The following IL21 variants were observed in gnomAD, a reference collection of about 807,000 sequenced individuals.
The protein encoded by IL21 is interleukin-21.
Under a neutral mutation model 18.4 loss-of-function variants are expected in IL21, and 3 were observed. The ratio of observed to expected loss-of-function variants is 0.16; its 90% CI spans 0.07 to 0.42. The LOEUF (loss-of-function observed/expected upper bound fraction) is 0.42, where lower values mean the gene tolerates loss of function less well. Ranked by LOEUF, IL21 falls within the 10% of genes least tolerant of loss-of-function variation. IL21 has a pLI of 0.99. For synonymous variants in IL21, 37 were observed against 62.0 expected (o/e 0.60, Z 1.90); for missense variants, 130 against 188.4 (o/e 0.69, Z 1.81).
chr4:122,612,542 A>G lies in IL21; in HGVS notation c.*168T>C. The G allele has an allele frequency of 2.2e-6, 1 of 456,834 alleles. No homozygotes were observed. The highest frequency in any genetic ancestry group is 3.8e-6 in the Non-Finnish European group (1 of 260,214). 28.3% of individuals were successfully genotyped at this position (456,834 alleles called of 1,614,324 possible). ...GTCATAGAAATCAATAACATAGGAA[A>G]TCAGACTATTGTATAGTGATTATGG... On this transcript the variant is annotated 3_prime_UTR_variant, in exon 5 of 5. Coordinates refer to ENST00000648588, the MANE Select transcript of IL21 (RefSeq NM_021803.4).
At position 122,612,736 on chromosome 4, in the gene IL21, T is replaced by C; in HGVS notation, c.463A>G (p.Arg155Gly). Residue 155 changes from arginine (R) to glycine (G), a missense_variant, in exon 5 of 5, where the codon AGA becomes GGA. By Grantham distance (125) the Arg-to-Gly change is moderately radical (BLOSUM62 -2). Coordinates refer to ENST00000648588, the MANE Select transcript of IL21 (RefSeq NM_021803.4). ...QKMIHQHLSS[R>G]THGSEDS ...CAGGAATCTTCACTTCCGTGTGTTC[T>C]AGAGGACAGATGCTGATGAATCATC... The C allele has an allele frequency of 2.5e-6, 4 of 1,613,146 alleles. No individual in the cohort carries two copies. The highest frequency in any genetic ancestry group is 3.4e-6 in the Non-Finnish European group (4 of 1,179,346).
In IL21 at chr4:122,621,066, G is replaced by A. The variant is rs1799421742; in HGVS notation, c.-55C>T. 1.3e-6 allele frequency: 2 copies of A among 1,513,678 alleles called. No individual in the cohort carries two copies. The highest frequency in any genetic ancestry group is 2.3e-5 in the East Asian group (1 of 44,142). The allele number at this position is 1,513,678 out of a possible 1,614,324, so 93.8% of individuals were successfully genotyped here. A position where few individuals can be genotyped will look rare whatever the true frequency, so the allele number is the denominator to read the frequency against. ...CTCGTTTTCACTTCAGCTTGACTGA[G>A]AACAGGTTGTCAGTTAAGCTACCTA... On this transcript the variant is annotated 5_prime_UTR_variant, in exon 1 of 5. Coordinates refer to ENST00000648588, the MANE Select transcript of IL21 (RefSeq NM_021803.4).
In IL21 at chr4:122,611,208, A is replaced by G. The variant is rs1355319478; in HGVS notation, c.*1502T>C. ...ATTTTAGATATATATTATCATCATC[A>G]GGCACATAATTCCTTTGTCATACAT... On this transcript the variant is annotated 3_prime_UTR_variant, in exon 5 of 5. Coordinates refer to ENST00000648588, the MANE Select transcript of IL21 (RefSeq NM_021803.4). Among the ~76,000 whole-genome samples, 1 of 152,222 alleles carries G rather than the reference A, an allele frequency of 6.6e-6. No homozygotes were observed. Among genetic ancestry groups the G allele is most frequent in the African/African-American group, 2.4e-5 (1 of 41,464 alleles).
At chr4:122,614,807 G>A (rs1799314534) in intron 3 of IL21, among the ~76,000 whole-genome samples, 1 of 152,120 alleles carries the variant, frequency 6.6e-6, no homozygotes, top group Non-Finnish European at 1.5e-5. Flanking sequence ...TTGCTCATGA[G>A]TTGGCATATA....
chr4:122,617,119 A>G lies in IL21; in HGVS notation c.205-1282T>C, dbSNP rs536051081. 2.0e-5 allele frequency among the ~76,000 whole-genome samples: 3 copies of G among 152,316 alleles called. No homozygotes were observed. The South Asian group carries it at 6.2e-4, about 32-fold the overall frequency. On this transcript the variant is annotated intron_variant, in intron 2 of 4. Coordinates refer to ENST00000648588, the MANE Select transcript of IL21 (RefSeq NM_021803.4). Reference sequence around the variant, plus strand: ...CAAACCTATCAGGTTTGCTTTGCATATATAGCCACAAGCCGAGAAGCAGCT... The same window carrying G: ...CAAACCTATCAGGTTTGCTTTGCATGTATAGCCACAAGCCGAGAAGCAGCT...
At chr4:122,615,572 G>A in intron 3 of IL21, 110 bp downstream of exon 3, 1 of 933,590 alleles carries the variant, frequency 1.1e-6, no homozygotes. Flanking sequence ...CATAACTATA[G>A]GTAAGGAAGA....
rs1799271388 is a variant in IL21, at chr4:122,612,201, C to T, written c.*509G>A. ...ATAAATTACATATTTATATGTTAGA[C>T]ATTCTGAGATTTAAAAAACTATTCA... On this transcript the variant is annotated 3_prime_UTR_variant, in exon 5 of 5. Transcript: ENST00000648588. Among the ~76,000 whole-genome samples the T allele has an allele frequency of 1.3e-5, 2 of 151,626 alleles. No individual in the cohort carries two copies. The highest frequency in any genetic ancestry group is 4.2e-4 in the South Asian group (2 of 4,812).
chr4:122,611,182 C>G lies in IL21; in HGVS notation c.*1528G>C, dbSNP rs1450297405. On this transcript the variant is annotated 3_prime_UTR_variant, in exon 5 of 5. Transcript: ENST00000648588. ...GGCTGGCGTATTTGAAACTGAGGCA[C>G]ATTTTAGATATATATTATCATCATC... Among the ~76,000 whole-genome samples, 3 of 152,158 alleles carry G rather than the reference C, an allele frequency of 2.0e-5. No homozygotes were observed. The highest frequency in any genetic ancestry group is 7.2e-5 in the African/African-American group (3 of 41,436).
Position 122,611,329 on chromosome 4 carries a change from G to T in IL21, c.*1381C>A, listed in dbSNP as rs1257612441. 6.6e-6 allele frequency among the ~76,000 whole-genome samples: 1 copy of T among 151,890 alleles called. No individual in the cohort carries two copies. The highest frequency in any genetic ancestry group is 3.4e-3 in the Middle Eastern group (1 of 294). The stretch of plus-strand genomic sequence containing the variant: ...TGCTGATGATAAAACATTTCATTGA[G>T]ATTTGATTAAATAATTCTCAATATA... On this transcript the variant is annotated 3_prime_UTR_variant, in exon 5 of 5. Transcript: ENST00000648588.
rs78956800 is a variant in IL21, at chr4:122,617,879, G to A, written c.205-2042C>T. On this transcript the variant is annotated intron_variant, in intron 2 of 4. Coordinates refer to ENST00000648588, the MANE Select transcript of IL21 (RefSeq NM_021803.4). ...AGAGGAAAAGAAGTAGAGGGCTGTCGCCACTAAACTGCCTTAAGGATGTAT... is the reference window on the plus strand; with the variant it reads ...AGAGGAAAAGAAGTAGAGGGCTGTCACCACTAAACTGCCTTAAGGATGTAT... Among the ~76,000 whole-genome samples the A allele has an allele frequency of 9.8e-3, 1,498 of 152,278 alleles. 76 individuals carry two copies. The highest frequency in any genetic ancestry group is 0.075 in the Admixed American group (1,151 of 15,282).
At chr4:122,620,365 T>C (rs1326820661) in intron 2 of IL21, among the ~76,000 whole-genome samples, 1 of 152,254 alleles carries the variant, frequency 6.6e-6, no homozygotes, top group Non-Finnish European at 1.5e-5. Context: ...CCAAGGGCTC[T>C]TAAAGAGTAA....
chr4:122,618,160 G>A (rs552496208), intron 2 of IL21, among the ~76,000 whole-genome samples: 3 of 152,272 alleles, frequency 2.0e-5, no homozygotes, highest in South Asian at 4.1e-4. Flanking sequence ...AAAGTCAAAC[G>A]CAAGAATTAA....
At chr4:122,616,576 C>T (rs1432934208) in intron 2 of IL21, among the ~76,000 whole-genome samples, 1 of 152,166 alleles carries the variant, frequency 6.6e-6, no homozygotes, top group African/African-American at 2.4e-5. Context: ...CTTGTCCAAC[C>T]AATGAGACGG....
chr4:122,613,267 A>G (rs1560661094), intron 3 of IL21, among the ~76,000 whole-genome samples: 1 of 151,858 alleles, frequency 6.6e-6, no homozygotes, highest in Non-Finnish European at 1.5e-5. Flanking sequence ...AATCTTCAAA[A>G]ATATGACATG....
chr4:122,612,488 G>T lies in IL21; in HGVS notation c.*222C>A. The T allele has an allele frequency of 4.5e-6, 2 of 441,606 alleles. No homozygotes were observed. Among genetic ancestry groups the T allele is most frequent in the South Asian group, 1.0e-4 (2 of 19,166 alleles). The allele number at this position is 441,606 out of a possible 1,614,324, so 27.4% of individuals were successfully genotyped here. A position where few individuals can be genotyped will look rare whatever the true frequency, so the allele number is the denominator to read the frequency against. The stretch of plus-strand genomic sequence containing the variant: ...CTTCAACCAAGAAATGTCAAAGTTG[G>T]GCAGTGAGATAAAGTAAAAACTTCA... On this transcript the variant is annotated 3_prime_UTR_variant, in exon 5 of 5. Transcript: ENST00000648588.
chr4:122,620,625 C>G, intron 2 of IL21, 76 bp downstream of exon 2: 3 of 1,213,460 alleles, frequency 2.5e-6, no homozygotes, highest in Non-Finnish European at 3.6e-6. Flanking sequence ...CCTATATAAT[C>G]ATGCTAATGT....
At chr4:122,615,606 G>T (rs1799326011) in intron 3 of IL21, 76 bp downstream of exon 3, 3 of 1,308,518 alleles carry the variant, frequency 2.3e-6, no homozygotes, top group African/African-American at 1.5e-5. Flanking sequence ...GGCTACAGGT[G>T]TGTGTGTATG....
chr4:122,615,917 T>C (rs891016471), intron 2 of IL21, 80 bp from the exon 3 acceptor site: 25 of 1,210,440 alleles, frequency 2.1e-5, no homozygotes, highest in Admixed American at 1.3e-4. Context: ...CCTCTATTTC[T>C]ATCTCTTCTG....
At chr4:122,612,810 A>G (rs1242254489) in intron 4 of IL21, 41 bp downstream of exon 4, 2 of 1,612,562 alleles carry the variant, frequency 1.2e-6, no homozygotes, top group African/African-American at 2.7e-5. Flanking sequence ...CTGGATAGGT[A>G]AAGATAAAGC....
Sources: allele counts gnomAD v4.1 joint callset (sites outside exome capture counted in the v4.1 genomes callset), GRCh38; gene constraint gnomAD v4.1.1; transcripts MANE v1.5; gene names NCBI Gene and HGNC (gene_info 2026-07-23, HGNC 2026-07-21).